The following ZNF385B variants were observed in gnomAD, a reference collection of about 807,000 sequenced individuals.
The protein encoded by ZNF385B is zinc finger protein 533.
ZNF385B carries 23 observed loss-of-function variants against 39.2 expected under a neutral mutation model. That is an observed-to-expected ratio of 0.59 (90% CI 0.42 to 0.83). The LOEUF is 0.83. Among genes scored for constraint, ZNF385B ranks in the 40% least tolerant of loss-of-function variants. The pLI is 0.00. For synonymous variants in ZNF385B, 205 were observed against 222.6 expected (o/e 0.92, Z 0.70); for missense variants, 552 against 598.9 (o/e 0.92, Z 0.82).
rs140164932 is a variant in ZNF385B at position 179,838,447 on chromosome 2, G to A, written c.-155+22654C>T. Among the ~76,000 whole-genome samples, 1,014 of 152,232 alleles carry A rather than the reference G, an allele frequency of 6.7e-3. 13 individuals carry two copies. Among genetic ancestry groups the A allele is most frequent in the African/African-American group, 0.023 (959 of 41,542 alleles). On this transcript the variant is annotated intron_variant, in intron 1 of 9. Transcript: ENST00000410066. ...ACCACAATCTTCATACACATGGAGC[G>A]CCTAACTTCTAATCACATGGAAGGT...
At chr2:179,793,052 AC>A (rs1308396087) in intron 1 of ZNF385B, among the ~76,000 whole-genome samples, 1 of 152,202 alleles carries the variant, frequency 6.6e-6, no homozygotes, top group Non-Finnish European at 1.5e-5. Flanking sequence ...TCTGGCAGAA[AC>A]TGTGCTATTA....
chr2:179,824,334 G>A (rs1707564568), intron 1 of ZNF385B, among the ~76,000 whole-genome samples: 1 of 152,100 alleles, frequency 6.6e-6, no homozygotes, highest in Admixed American at 6.5e-5. Flanking sequence ...AAAATTTGGG[G>A]CACTGTACTT....
intron 3 of ZNF385B, among the ~76,000 whole-genome samples, chr2:179,577,801 C>CT (rs1686009539): frequency 2.0e-4 from 1 of 5,078 alleles, no homozygotes; most frequent in South Asian, 0.028. Flanking sequence ...GCTGTCTTTA[C>CT]TAAAAAAAAA....
At chr2:179,574,189 A>G (rs1288451661) in intron 3 of ZNF385B, among the ~76,000 whole-genome samples, 1 of 152,176 alleles carries the variant, frequency 6.6e-6, no homozygotes, top group Non-Finnish European at 1.5e-5. Context: ...CATAAACTGC[A>G]TTTTACAATA....
intron 5 of ZNF385B, among the ~76,000 whole-genome samples, chr2:179,492,821 A>G (rs1396578525): frequency 6.6e-6 from 1 of 152,124 alleles, no homozygotes; most frequent in Non-Finnish European, 1.5e-5. Context: ...TACCTTCAAA[A>G]CACAATATAA....
At chr2:179,806,062 T>C (rs1278265787) in intron 1 of ZNF385B, among the ~76,000 whole-genome samples, 1 of 152,134 alleles carries the variant, frequency 6.6e-6, no homozygotes, top group Non-Finnish European at 1.5e-5. Context: ...AGGAAGATTG[T>C]TAAATATAAC....
chr2:179,736,439 T>A (rs541600481), intron 3 of ZNF385B, among the ~76,000 whole-genome samples: 1 of 152,202 alleles, frequency 6.6e-6, no homozygotes, highest in African/African-American at 2.4e-5. Context: ...TTTTACTATA[T>A]GGTGATTCTT....
chr2:179,833,233 C>T (rs1419566705), intron 1 of ZNF385B, among the ~76,000 whole-genome samples: 1 of 151,944 alleles, frequency 6.6e-6, no homozygotes, highest in Non-Finnish European at 1.5e-5. Context: ...CCCAAATGTG[C>T]CCATATTTTG....
At position 179,444,827 on chromosome 2, in the gene ZNF385B, C is replaced by T. The variant is rs1425005901; in HGVS notation, c.1242+49G>A. 2.0e-6 allele frequency: 3 copies of T among 1,535,224 alleles called. No individual in the cohort carries two copies. The South Asian group carries it at 3.4e-5, about 17-fold the overall frequency. On this transcript the variant is annotated intron_variant, in intron 9 of 9. Transcript: ENST00000410066. ...CTCCTTGCCCACAATGGCTGCCCAA[C>T]CCAGCAAGGCTGCCCCACAAAACAG...
intron 3 of ZNF385B, among the ~76,000 whole-genome samples, chr2:179,759,606 GT>G (rs1420070730): frequency 2.0e-5 from 3 of 152,046 alleles, no homozygotes; most frequent in East Asian, 1.9e-4. Flanking sequence ...TACCTGGAAT[GT>G]TTTTTCTTGA....
intron 6 of ZNF385B, among the ~76,000 whole-genome samples, chr2:179,459,140 CAGA>C (rs2051018860): frequency 6.6e-6 from 1 of 152,122 alleles, no homozygotes; most frequent in Admixed American, 6.5e-5. Flanking sequence ...CTCTGATTCC[CAGA>C]AGAATTAATG....
intron 1 of ZNF385B, chr2:179,814,502 C>A: frequency 1.5e-6 from 1 of 664,982 alleles, no homozygotes; most frequent in Non-Finnish European, 2.5e-6. Flanking sequence ...TCATGTTTTT[C>A]TTCAGGAACA....
chr2:179,479,297 C>T (rs760552187), intron 6 of ZNF385B, among the ~76,000 whole-genome samples: 2 of 151,888 alleles, frequency 1.3e-5, no homozygotes, highest in African/African-American at 4.8e-5. Flanking sequence ...GTTTACTGAC[C>T]TGAAAGAAAA....
intron 1 of ZNF385B, among the ~76,000 whole-genome samples, chr2:179,836,663 C>T (rs969554524): frequency 3.3e-5 from 5 of 151,026 alleles, no homozygotes; most frequent in Admixed American, 6.6e-5. Flanking sequence ...GGACTACAGG[C>T]GCCCGCCACC....
intron 3 of ZNF385B, among the ~76,000 whole-genome samples, chr2:179,550,634 C>T (rs1559459942): frequency 6.7e-6 from 1 of 149,650 alleles, no homozygotes; most frequent in Non-Finnish European, 1.5e-5. Flanking sequence ...AATCCTTCAC[C>T]TCAACCTTGC....
chr2:179,803,849 A>G (rs1706185984), intron 1 of ZNF385B, among the ~76,000 whole-genome samples: 1 of 152,190 alleles, frequency 6.6e-6, no homozygotes, highest in Non-Finnish European at 1.5e-5. Context: ...TTTCGATTAT[A>G]AGAGTAAAAA....
At chr2:179,688,956 A>G (rs1358281550) in intron 3 of ZNF385B, among the ~76,000 whole-genome samples, 1 of 152,192 alleles carries the variant, frequency 6.6e-6, no homozygotes, top group African/African-American at 2.4e-5. Flanking sequence ...CAACCTAAAG[A>G]AATATGTTGA....
chr2:179,667,410 C>T (rs950241932), intron 3 of ZNF385B, among the ~76,000 whole-genome samples: 1 of 152,162 alleles, frequency 6.6e-6, no homozygotes, highest in African/African-American at 2.4e-5. Context: ...CCCTCCCCCC[C>T]ACCATTTTGT....
intron 5 of ZNF385B, among the ~76,000 whole-genome samples, chr2:179,511,142 G>A (rs567797156): frequency 2.6e-4 from 40 of 152,288 alleles, no homozygotes; most frequent in African/African-American, 9.4e-4. Flanking sequence ...GGCAGCTGGT[G>A]GAGAGAGGTG....
Sources: allele counts gnomAD v4.1 joint callset (sites outside exome capture counted in the v4.1 genomes callset), GRCh38; gene constraint gnomAD v4.1.1; transcripts MANE v1.5; gene names NCBI Gene and HGNC (gene_info 2026-07-23, HGNC 2026-07-21).